MIPOL1: variants seen among roughly 807,000 people sequenced by gnomAD.
MIPOL1 encodes the protein mirror-image polydactyly 1, also known as mirror-image polydactyly gene 1 protein.
In MIPOL1, 57 loss-of-function variants were observed where a neutral mutation model predicts 60.9. That is an observed-to-expected ratio of 0.94 (90% CI 0.76 to 1.17). The LOEUF is 1.17. MIPOL1 is among the 50% of genes most tolerant of loss of function. The pLI is 0.00. For missense variants in MIPOL1, 551 were observed against 511.6 expected (o/e 1.08, Z -0.74); for synonymous variants, 179 against 168.8 (o/e 1.06, Z -0.47).
At chr14:37,465,061 G>A (rs1298834593) in intron 11 of MIPOL1, among the ~76,000 whole-genome samples, 1 of 152,098 alleles carries the variant, frequency 6.6e-6, no homozygotes, top group Non-Finnish European at 1.5e-5. Flanking sequence ...AATTTGAGAA[G>A]TAGGAAAATA....
chr14:37,541,340 T>G (rs942415628), intron 12 of MIPOL1, among the ~76,000 whole-genome samples: 6 of 152,152 alleles, frequency 3.9e-5, no homozygotes, highest in African/African-American at 1.4e-4. Context: ...GGAGTCTGGG[T>G]TTAATCACTT....
At chr14:37,265,756 C>G (rs1395671327) in intron 3 of MIPOL1, among the ~76,000 whole-genome samples, 1 of 151,878 alleles carries the variant, frequency 6.6e-6, no homozygotes, top group African/African-American at 2.4e-5. Flanking sequence ...TTGCTTAAAC[C>G]CAGGAGTTTG....
At chr14:37,205,114 T>A (rs1307986312) in intron 1 of MIPOL1, among the ~76,000 whole-genome samples, 2 of 152,084 alleles carry the variant, frequency 1.3e-5, no homozygotes, top group Non-Finnish European at 2.9e-5. Flanking sequence ...TTTTTGTTTT[T>A]TTTTTTGAGA....
At chr14:37,234,975 T>C (rs1971239707) in intron 1 of MIPOL1, among the ~76,000 whole-genome samples, 1 of 142,580 alleles carries the variant, frequency 7.0e-6, no homozygotes, top group South Asian at 2.3e-4. Flanking sequence ...GTATTTTTCA[T>C]AGAGACAGGG....
intron 7 of MIPOL1, among the ~76,000 whole-genome samples, chr14:37,287,354 C>T (rs1224632849): frequency 6.6e-6 from 1 of 152,062 alleles, no homozygotes; most frequent in Non-Finnish European, 1.5e-5. Flanking sequence ...AGTGATCCTC[C>T]TACCTCAGCC....
At chr14:37,436,355 A>C (rs895544190) in intron 11 of MIPOL1, among the ~76,000 whole-genome samples, 3 of 152,156 alleles carry the variant, frequency 2.0e-5, no homozygotes, top group African/African-American at 4.8e-5. Context: ...AATTTCACTC[A>C]GTTTAATTAG....
At chr14:37,296,361 T>C (rs1461520053) in intron 7 of MIPOL1, among the ~76,000 whole-genome samples, 4 of 152,034 alleles carry the variant, frequency 2.6e-5, no homozygotes, top group Admixed American at 1.3e-4. Context: ...AGGAAAGATC[T>C]AAAATTGACA....
chr14:37,232,737 A>G (rs1970833113), intron 1 of MIPOL1, among the ~76,000 whole-genome samples: 1 of 152,176 alleles, frequency 6.6e-6, no homozygotes. Context: ...TCAATTTTTC[A>G]TAAGTATCAT....
At chr14:37,429,682 A>G (rs1169899749) in intron 11 of MIPOL1, among the ~76,000 whole-genome samples, 1 of 152,164 alleles carries the variant, frequency 6.6e-6, no homozygotes, top group Admixed American at 6.5e-5. Flanking sequence ...ATATACACAA[A>G]AAGAAAGTAA....
At chr14:37,280,796 T>C (rs2084042953) in intron 6 of MIPOL1, among the ~76,000 whole-genome samples, 1 of 152,132 alleles carries the variant, frequency 6.6e-6, no homozygotes, top group Admixed American at 6.6e-5. Context: ...ATAGCTGGGA[T>C]TACAGACGCA....
intron 11 of MIPOL1, chr14:37,423,516 T>C (rs2093911406): frequency 6.6e-6 from 1 of 151,862 alleles, no homozygotes; most frequent in African/African-American, 2.4e-5. Context: ...TGGTAAACTT[T>C]TGTTTCAGGT....
rs543248916 is a variant in MIPOL1 at position 37,283,159 on chromosome 14, G to A, written c.494-2159G>A. On this transcript the variant is annotated intron_variant, in intron 6 of 12. Transcript: ENST00000684589. ...CTACTCACTGCAACCTCCACCTCCC[G>A]GGTTCAAGCGATTCTCCTGCCTCAG... is the stretch of plus-strand genomic sequence containing the variant. 3.6e-3 allele frequency among the ~76,000 whole-genome samples: 551 copies of A among 152,074 alleles called. 3 individuals carry two copies. The highest frequency in any genetic ancestry group is 0.013 in the African/African-American group (528 of 41,488).
chr14:37,278,853 A>C (rs1477164588), intron 6 of MIPOL1: 2 of 151,816 alleles, frequency 1.3e-5, no homozygotes, highest in African/African-American at 2.4e-5. Flanking sequence ...GCCTTGACTC[A>C]ATAAACTCAT....
chr14:37,433,146 A>C (rs1444779870), intron 11 of MIPOL1, among the ~76,000 whole-genome samples: 1 of 151,574 alleles, frequency 6.6e-6, no homozygotes, highest in East Asian at 1.9e-4. Flanking sequence ...CTGCAGCCTC[A>C]AACTCCCATG....
intron 11 of MIPOL1, among the ~76,000 whole-genome samples, chr14:37,453,035 T>C (rs972225331): frequency 6.6e-6 from 1 of 152,166 alleles, no homozygotes; most frequent in Admixed American, 6.5e-5. Flanking sequence ...ATGAATGATG[T>C]TAGGATGTGC....
intron 3 of MIPOL1, among the ~76,000 whole-genome samples, chr14:37,266,575 C>G (rs1474397615): frequency 6.6e-6 from 1 of 152,056 alleles, no homozygotes; most frequent in Non-Finnish European, 1.5e-5. Flanking sequence ...AACATTGCCC[C>G]TAGGGACATA....
At chr14:37,208,361 ATTTT>A (rs1966437056) in intron 1 of MIPOL1, among the ~76,000 whole-genome samples, 1 of 152,136 alleles carries the variant, frequency 6.6e-6, no homozygotes, top group Admixed American at 6.5e-5. Context: ...AGTTTTGAGG[ATTTT>A]ACTGCTGAGT....
chr14:37,384,454 T>C (rs2153513671), intron 10 of MIPOL1, among the ~76,000 whole-genome samples: 1 of 152,012 alleles, frequency 6.6e-6, no homozygotes, highest in African/African-American at 2.4e-5. Context: ...AATTTTTATT[T>C]TATTATTTAA....
At chr14:37,393,794 A>G (rs2415400) in intron 10 of MIPOL1, among the ~76,000 whole-genome samples, 84,509 of 150,432 alleles carry the variant, frequency 0.56, 25,464 homozygotes, top group Non-Finnish European at 0.67. Flanking sequence ...TGGTGCACCC[A>G]TCACCTGAGC....
Sources: allele counts gnomAD v4.1 joint callset (sites outside exome capture counted in the v4.1 genomes callset), GRCh38; gene constraint gnomAD v4.1.1; transcripts MANE v1.5; gene names NCBI Gene and HGNC (gene_info 2026-07-23, HGNC 2026-07-21).